CEMIP2: variants seen among roughly 807,000 people sequenced by gnomAD.
The protein encoded by CEMIP2 is cell migration inducing hyaluronidase 2, also known as cell surface hyaluronidase CEMIP2.
A neutral mutation model predicts 146.9 loss-of-function variants in CEMIP2; 79 were observed. That is an observed-to-expected ratio of 0.54 (90% CI 0.45 to 0.65). CEMIP2 has a LOEUF of 0.65. Among genes scored for constraint, CEMIP2 ranks in the 30% least tolerant of loss-of-function variants. The probability of loss-of-function intolerance (pLI) is 0.00; values close to 1 mark genes in which losing one functional copy is unlikely to be tolerated. For synonymous variants in CEMIP2, 601 were observed against 606.3 expected, an observed-to-expected ratio of 0.99 and a Z score of 0.13; for missense variants, 1,596 against 1,696.2, an observed-to-expected ratio of 0.94 and a Z score of 1.04.
At chr9:71,741,322 C>G (rs1016493660) in intron 4 of CEMIP2, among the ~76,000 whole-genome samples, 5 of 151,006 alleles carry the variant, frequency 3.3e-5, no homozygotes, top group Non-Finnish European at 5.9e-5. Flanking sequence ...CTCAGCCTCC[C>G]GAGTAGCTGG....
chr9:71,746,966 G>T (rs1824108289), intron 2 of CEMIP2, among the ~76,000 whole-genome samples: 1 of 152,184 alleles, frequency 6.6e-6, no homozygotes, highest in African/African-American at 2.4e-5. Context: ...AGAAACCAAA[G>T]ATTACTTAGC....
At chr9:71,715,217 T>A in intron 14 of CEMIP2, 128 bp from the exon 15 acceptor site, 1 of 781,374 alleles carries the variant, frequency 1.3e-6, no homozygotes, top group Non-Finnish European at 1.9e-6. Context: ...TAATACACAT[T>A]CACAAGTCTT....
intron 16 of CEMIP2, among the ~76,000 whole-genome samples, chr9:71,711,326 C>T (rs1436079007): frequency 6.6e-6 from 1 of 151,826 alleles, no homozygotes; most frequent in Non-Finnish European, 1.5e-5. Flanking sequence ...CTTTGGGAGG[C>T]CAAGCTGAGA....
At position 71,750,261 on chromosome 9, in the gene CEMIP2, G is replaced by A. The variant is rs773587047; in HGVS notation, c.113C>T (p.Pro38Leu). The A allele has an allele frequency of 1.6e-5, 26 of 1,613,970 alleles. No individual in the cohort carries two copies. The highest frequency in any genetic ancestry group is 2.0e-5 in the Non-Finnish European group (24 of 1,180,008). ...VPGKVVPLRP[P>L]PPPKSQASAK... Reference sequence around the variant, plus strand: ...TGAAGCTTGACTCTTTGGAGGAGGAGGGGGACGCAATGGGACAACCTTCCC... The same window carrying A: ...TGAAGCTTGACTCTTTGGAGGAGGAAGGGGACGCAATGGGACAACCTTCCC... The change falls in exon 2 of 24, where the codon CCT (proline) becomes CTT (leucine). Residue 38 changes from proline to leucine, a missense_variant. By Grantham distance (98) the Pro-to-Leu change is moderately conservative. Coordinates refer to ENST00000377044, the MANE Select transcript of CEMIP2 (RefSeq NM_013390.3).
At chr9:71,746,982 G>A (rs1824109301) in intron 2 of CEMIP2, among the ~76,000 whole-genome samples, 1 of 152,328 alleles carries the variant, frequency 6.6e-6, no homozygotes, top group South Asian at 2.1e-4. Context: ...TTAGCAAGCT[G>A]AGTGATACGC....
In CEMIP2 at chr9:71,692,820, T is replaced by A. The variant is rs138447523; in HGVS notation, c.3696+1689A>T. ...GTCCCAGCTACGTGGGAGGATCAAT[T>A]TAGCCTGGGAGGTGGAGGGTGCGGT... On this transcript the variant is annotated intron_variant, in intron 21 of 23. Coordinates refer to ENST00000377044, the MANE Select transcript of CEMIP2 (RefSeq NM_013390.3). Among the ~76,000 whole-genome samples, 568 of 152,160 alleles carry A rather than the reference T, an allele frequency of 3.7e-3. 4 individuals are homozygous for A. The highest frequency in any genetic ancestry group is 0.013 in the African/African-American group (524 of 41,486).
chr9:71,704,700 G>A lies in CEMIP2; in HGVS notation c.3089C>T (p.Ala1030Val). Residue 1030 changes from alanine to valine, a missense_variant, in exon 18 of 24, where the codon GCC becomes GTC. Ala to Val is a moderately conservative substitution (Grantham distance 64). Transcript: ENST00000377044. ...MVLRGINQKA[A>V]FPQYQPVVML... is the part of the protein sequence containing the mutation. ...GACGACAGGCTGGTACTGTGGAAAG[G>A]CAGCCTTCTGATTAATACCTCGGAG... The A allele has an allele frequency of 6.2e-7, 1 of 1,614,146 alleles. No individual in the cohort carries two copies. Among genetic ancestry groups the A allele is most frequent in the Non-Finnish European group, 8.5e-7 (1 of 1,180,022 alleles).
intron 19 of CEMIP2, among the ~76,000 whole-genome samples, chr9:71,700,164 T>C (rs536856030): frequency 6.6e-6 from 1 of 151,936 alleles, no homozygotes; most frequent in East Asian, 1.9e-4. Context: ...AAGAACAGGA[T>C]TGGAATTAAA....
chr9:71,757,847 A>G (rs1450625373), intron 1 of CEMIP2, among the ~76,000 whole-genome samples: 1 of 152,240 alleles, frequency 6.6e-6, no homozygotes, highest in African/African-American at 2.4e-5. Context: ...AACTCAACAA[A>G]TACCCTGTAC....
At chr9:71,756,496 T>G (rs1824459283) in intron 1 of CEMIP2, among the ~76,000 whole-genome samples, 1 of 137,306 alleles carries the variant, frequency 7.3e-6, no homozygotes, top group Non-Finnish European at 1.6e-5. Flanking sequence ...TCTCTCTCTC[T>G]CTCTCTCTCT....
intron 17 of CEMIP2, among the ~76,000 whole-genome samples, chr9:71,708,904 C>A (rs1324360395): frequency 6.6e-6 from 1 of 152,072 alleles, no homozygotes; most frequent in Non-Finnish European, 1.5e-5. Flanking sequence ...GATAAAAATC[C>A]CTCTTAGAGG....
intron 11 of CEMIP2, among the ~76,000 whole-genome samples, chr9:71,722,749 C>G (rs1244424668): frequency 6.6e-6 from 1 of 151,842 alleles, no homozygotes; most frequent in Non-Finnish European, 1.5e-5. Flanking sequence ...CTGGTAGGCA[C>G]CCAGTGTTAT....
rs1247439360 is a variant in CEMIP2 at position 71,746,468 on chromosome 9, T to G, written c.332-127A>C. 5.3e-6 allele frequency: 6 copies of G among 1,127,690 alleles called. No individual in the cohort carries two copies. In the East Asian group the frequency reaches 1.5e-4, roughly 29 times the overall value. The allele number at this position is 1,127,690 out of a possible 1,614,324, so 69.9% of individuals were successfully genotyped here. On this transcript the variant is annotated intron_variant, in intron 2 of 23. Transcript: ENST00000377044. ...CTAACATATGTTGATTTCCTGCCAT[T>G]AGAATGGAAATCCCACGCCTTCCCA...
intron 21 of CEMIP2, among the ~76,000 whole-genome samples, chr9:71,692,365 A>ATCTCTCTCTCTCTCTCTCTC (rs10683725): frequency 8.8e-5 from 8 of 90,506 alleles, no homozygotes; most frequent in African/African-American, 3.7e-4. Flanking sequence ...TCTACCCCCC[A>ATCTCTCTCTCTCTCTCTCTC]TCTCTCTCTC....
At chr9:71,743,518 A>G (rs1382008055) in intron 4 of CEMIP2, among the ~76,000 whole-genome samples, 1 of 152,192 alleles carries the variant, frequency 6.6e-6, no homozygotes, top group African/African-American at 2.4e-5. Flanking sequence ...CTGTCTACAC[A>G]GCACGCTCCC....
In CEMIP2 at chr9:71,709,435, A is replaced by T; in HGVS notation, c.2809T>A (p.Phe937Ile). The change falls in exon 17 of 24, where the codon TTT (phenylalanine) becomes ATT (isoleucine). Residue 937 changes from phenylalanine (F) to isoleucine (I), a missense_variant. Transcript: ENST00000377044. ...TCACCATCCATCTCACAATCTTCAAACCAGGGACCAGGCTTTCCAAAAAAG... is the reference window on the plus strand; with the variant it reads ...TCACCATCCATCTCACAATCTTCAATCCAGGGACCAGGCTTTCCAAAAAAG... ...NVFFGKPGPW[F>I]EDCEMDGDKN... 6.2e-7 allele frequency: 1 copy of T among 1,614,194 alleles called. No individual in the cohort carries two copies. Among genetic ancestry groups the T allele is most frequent in the Non-Finnish European group, 8.5e-7 (1 of 1,180,034 alleles).
At chr9:71,756,443 C>A (rs922014389) in intron 1 of CEMIP2, among the ~76,000 whole-genome samples, 10 of 150,854 alleles carry the variant, frequency 6.6e-5, no homozygotes, top group African/African-American at 2.4e-4. Flanking sequence ...TCTAAGCATA[C>A]TCCCAAAGAA....
In CEMIP2 at chr9:71,684,301, G is replaced by A. The variant is rs987695123; in HGVS notation, c.*896C>T. 6.6e-6 allele frequency: 1 copy of A among 152,304 alleles called. No homozygotes were observed. The highest frequency in any genetic ancestry group is 2.4e-5 in the African/African-American group (1 of 41,382). The allele number at this position is 152,304 out of a possible 1,614,324, so 9.4% of individuals were successfully genotyped here. On this transcript the variant is annotated 3_prime_UTR_variant, in exon 24 of 24. Transcript: ENST00000377044. ...AATAACAAAAAACCCAAGTGCAAGA[G>A]CAATACCAAGAACAGACTTCCTTTG...
At chr9:71,739,563 A>G (rs1310828852) in intron 5 of CEMIP2, among the ~76,000 whole-genome samples, 1 of 151,998 alleles carries the variant, frequency 6.6e-6, no homozygotes, top group East Asian at 1.9e-4. Context: ...CAGCTTCCTC[A>G]TCCCTAATAG....
Sources: gnomAD v4.1 joint callset for allele counts (sites outside exome capture counted in the v4.1 genomes callset) on GRCh38, gnomAD v4.1.1 for gene constraint, MANE v1.5 for transcripts, NCBI Gene and HGNC (gene_info 2026-07-23, HGNC 2026-07-21) for gene names.